The following EYS variants were observed in gnomAD, a reference collection of about 807,000 sequenced individuals.
EYS encodes protein eyes shut homolog.
EYS carries 250 observed loss-of-function variants against 282.1 expected under a neutral mutation model. That is an observed-to-expected ratio of 0.89 (90% CI 0.80 to 0.98). EYS has a LOEUF of 0.98. Among genes scored for constraint, EYS ranks in the 50% least tolerant of loss-of-function variants. The probability of loss-of-function intolerance (pLI) is 0.00; values close to 1 mark genes in which losing one functional copy is unlikely to be tolerated. For missense variants in EYS, 4,016 were observed against 3,709.0 expected, an observed-to-expected ratio of 1.08 and a Z score of -2.15; for synonymous variants, 1,355 against 1,282.9, an observed-to-expected ratio of 1.06 and a Z score of -1.20.
chr6:64,324,457 C>T (rs534017886), intron 29 of EYS, among the ~76,000 whole-genome samples: 5 of 152,218 alleles, frequency 3.3e-5, no homozygotes, highest in African/African-American at 9.6e-5. Flanking sequence ...AAACCTTCAA[C>T]GAACTAGGCA....
At chr6:64,856,780 GT>G (rs527389067) in intron 19 of EYS, among the ~76,000 whole-genome samples, 2 of 150,620 alleles carry the variant, frequency 1.3e-5, no homozygotes, top group Non-Finnish European at 3.0e-5. Context: ...TCCAACTTAT[GT>G]TTTTTTTTCT....
intron 31 of EYS, among the ~76,000 whole-genome samples, chr6:64,200,359 A>G (rs532193287): frequency 2.6e-5 from 4 of 152,318 alleles, no homozygotes; most frequent in African/African-American, 9.6e-5. Context: ...ATTCATATTT[A>G]TTCATCAGTT....
At chr6:64,753,677 C>T (rs1442826283) in intron 22 of EYS, among the ~76,000 whole-genome samples, 1 of 151,384 alleles carries the variant, frequency 6.6e-6, no homozygotes, top group Non-Finnish European at 1.5e-5. Flanking sequence ...AGTACTTCAG[C>T]ACCACTAACA....
At chr6:63,934,402 T>C (rs1764990164) in intron 35 of EYS, among the ~76,000 whole-genome samples, 1 of 152,048 alleles carries the variant, frequency 6.6e-6, no homozygotes, top group Non-Finnish European at 1.5e-5. Flanking sequence ...TTACTGGGTA[T>C]ATACCCAAAG....
chr6:64,225,261 A>G (rs1403014547), intron 31 of EYS, among the ~76,000 whole-genome samples: 1 of 152,144 alleles, frequency 6.6e-6, no homozygotes, highest in East Asian at 1.9e-4. Context: ...GTCTCCTGAA[A>G]GATGACCAGA....
chr6:65,290,663 A>G (rs1446117186), intron 12 of EYS, among the ~76,000 whole-genome samples: 1 of 151,348 alleles, frequency 6.6e-6, no homozygotes, highest in African/African-American at 2.4e-5. Flanking sequence ...TCAGCACAAG[A>G]TTGTAAGGCC....
intron 26 of EYS, among the ~76,000 whole-genome samples, chr6:64,496,554 C>A (rs1015478496): frequency 1.3e-4 from 20 of 151,960 alleles, no homozygotes; most frequent in African/African-American, 4.3e-4. Flanking sequence ...GATATTAATT[C>A]TAAGTATATC....
At chr6:65,617,045 T>A (rs9453345) in intron 2 of EYS, among the ~76,000 whole-genome samples, 10,849 of 152,186 alleles carry the variant, frequency 0.071, 636 homozygotes, top group East Asian at 0.18. Flanking sequence ...CATTAGGACA[T>A]GGATTTTTAT....
chr6:65,427,567 A>G (rs1767710137), intron 5 of EYS, among the ~76,000 whole-genome samples: 1 of 152,046 alleles, frequency 6.6e-6, no homozygotes, highest in African/African-American at 2.4e-5. Flanking sequence ...TATTTTTTTC[A>G]TTACAGGGGT....
At chr6:64,837,635 T>C (rs1228375456) in intron 19 of EYS, among the ~76,000 whole-genome samples, 2 of 145,598 alleles carry the variant, frequency 1.4e-5, no homozygotes, top group African/African-American at 2.5e-5. Flanking sequence ...ATATGATAGA[T>C]ATATGATATA....
At chr6:64,061,660 C>T (rs749974815) in intron 33 of EYS, among the ~76,000 whole-genome samples, 2 of 152,194 alleles carry the variant, frequency 1.3e-5, no homozygotes, top group African/African-American at 4.8e-5. Flanking sequence ...CCATATTTTA[C>T]AAGTTGGGCT....
intron 33 of EYS, among the ~76,000 whole-genome samples, chr6:64,058,004 C>T (rs941908504): frequency 1.3e-5 from 2 of 152,008 alleles, no homozygotes; most frequent in African/African-American, 4.8e-5. Flanking sequence ...GCTAATTTTT[C>T]GTAGAGACGG....
chr6:65,271,727 A>T (rs1323918251), intron 12 of EYS, among the ~76,000 whole-genome samples: 1 of 151,744 alleles, frequency 6.6e-6, no homozygotes. Context: ...GGATTACAGG[A>T]GTGCACTACC....
chr6:64,711,123 C>G (rs1771198620), intron 22 of EYS, among the ~76,000 whole-genome samples: 1 of 152,156 alleles, frequency 6.6e-6, no homozygotes, highest in African/African-American at 2.4e-5. Flanking sequence ...AATTAGGCGT[C>G]TCATTACTAA....
chr6:64,110,972 G>T (rs1022139387), intron 31 of EYS, among the ~76,000 whole-genome samples: 1 of 151,954 alleles, frequency 6.6e-6, no homozygotes, highest in African/African-American at 2.4e-5. Context: ...TTGAAAAAAG[G>T]AGAAGAATCA....
At chr6:65,044,901 A>C (rs1159162919) in intron 13 of EYS, among the ~76,000 whole-genome samples, 2 of 151,858 alleles carry the variant, frequency 1.3e-5, no homozygotes, top group Admixed American at 6.6e-5. Context: ...ACTCTTCTAC[A>C]CTTAAAATTG....
At chr6:64,971,028 A>G (rs9351475) in intron 14 of EYS, among the ~76,000 whole-genome samples, 10,288 of 152,282 alleles carry the variant, frequency 0.068, 440 homozygotes, top group East Asian at 0.13. Flanking sequence ...GCATAACTAT[A>G]GACTCTGATA....
At chr6:64,327,904 G>C (rs878967892) in intron 29 of EYS, among the ~76,000 whole-genome samples, 1 of 152,130 alleles carries the variant, frequency 6.6e-6, no homozygotes, top group African/African-American at 2.4e-5. Context: ...ATGCAGAGAG[G>C]AGCCAGAGCC....
chr6:63,922,372 G>A (rs1764595393), intron 35 of EYS, among the ~76,000 whole-genome samples: 1 of 152,172 alleles, frequency 6.6e-6, no homozygotes, highest in Non-Finnish European at 1.5e-5. Flanking sequence ...AGACAAGCCT[G>A]GCCAACATGG....
Sources: allele counts gnomAD v4.1 joint callset (sites outside exome capture counted in the v4.1 genomes callset), GRCh38; gene constraint gnomAD v4.1.1; transcripts MANE v1.5; gene names NCBI Gene and HGNC (gene_info 2026-07-23, HGNC 2026-07-21).